Variants in BICRAL observed in about 807,000 individuals in gnomAD.
BICRAL encodes the protein BICRA like chromatin remodeling complex associated protein.
In BICRAL, 8 loss-of-function variants were observed where a neutral mutation model predicts 91.8. The observed-to-expected ratio is 0.09, with a 90% CI of 0.05 to 0.16. The LOEUF (loss-of-function observed/expected upper bound fraction) is 0.16, where lower values mean the gene tolerates loss of function less well. BICRAL is among the 10% of genes least tolerant of loss of function. The pLI is 1.00. For missense variants in BICRAL, 1,038 were observed against 1,310.9 expected, an observed-to-expected ratio of 0.79 and a Z score of 3.21; for synonymous variants, 445 against 491.1, an observed-to-expected ratio of 0.91 and a Z score of 1.24.
intron 2 of BICRAL, among the ~76,000 whole-genome samples, chr6:42,811,746 A>T (rs1425422217): frequency 6.6e-6 from 1 of 152,152 alleles, no homozygotes; most frequent in Non-Finnish European, 1.5e-5. Context: ...CTGATAACTG[A>T]TGTGTTTAAG....
chr6:42,839,282 T>G (rs1040344756), intron 6 of BICRAL, among the ~76,000 whole-genome samples: 1 of 151,996 alleles, frequency 6.6e-6, no homozygotes, highest in African/African-American at 2.4e-5. Context: ...GGATCATTAT[T>G]GTTGTTGTTA....
At chr6:42,844,681 A>C (rs1406745629) in intron 6 of BICRAL, among the ~76,000 whole-genome samples, 4 of 152,148 alleles carry the variant, frequency 2.6e-5, no homozygotes, top group Non-Finnish European at 1.5e-5. Flanking sequence ...TAGGTGCAGA[A>C]GCCAGATGGC....
intron 1 of BICRAL, among the ~76,000 whole-genome samples, chr6:42,760,525 G>A (rs776629568): frequency 2.0e-5 from 3 of 151,888 alleles, no homozygotes; most frequent in Non-Finnish European, 4.4e-5. Context: ...ATTGTCAGCT[G>A]TATAAATTGC....
chr6:42,843,310 A>C (rs1025589629), intron 6 of BICRAL, among the ~76,000 whole-genome samples: 3 of 152,156 alleles, frequency 2.0e-5, no homozygotes, highest in Non-Finnish European at 4.4e-5. Flanking sequence ...ATGTTCCATG[A>C]AATAGAAACA....
rs1357345969 is a variant in BICRAL, at chr6:42,868,308, C to T, written c.*2862C>T. ...GTCAGTGTGGTGTGGGCTTTATTTG[C>T]TTAAATACCTTCATTTGTATAGTAC... On this transcript the variant is annotated 3_prime_UTR_variant, in exon 13 of 13. Transcript: ENST00000314073. The T allele has an allele frequency of 1.3e-5, 2 of 151,854 alleles. No individual in the cohort carries two copies. Among genetic ancestry groups the T allele is most frequent in the Admixed American group, 1.3e-4 (2 of 15,182 alleles). The allele number at this position is 151,854 out of a possible 1,614,324, so 9.4% of individuals were successfully genotyped here.
chr6:42,832,982 A>ATTTGGT (rs1290542612), intron 6 of BICRAL, among the ~76,000 whole-genome samples: 2 of 151,566 alleles, frequency 1.3e-5, no homozygotes, highest in African/African-American at 2.4e-5. Context: ...AAAACAAATT[A>ATTTGGT]TTTGGTTTTG....
At chr6:42,854,373 A>G (rs1765282789) in intron 8 of BICRAL, among the ~76,000 whole-genome samples, 1 of 152,080 alleles carries the variant, frequency 6.6e-6, no homozygotes, top group Non-Finnish European at 1.5e-5. Flanking sequence ...TTGTAGAGAT[A>G]GGATTTTGCC....
intron 1 of BICRAL, among the ~76,000 whole-genome samples, chr6:42,800,315 G>A (rs141438590): frequency 4.1e-4 from 62 of 151,384 alleles, no homozygotes; most frequent in Non-Finnish European, 7.1e-4. Context: ...CATCTGCCTC[G>A]GCCTCCCAAA....
chr6:42,860,994 C>T (rs926213771), intron 11 of BICRAL, among the ~76,000 whole-genome samples: 6 of 152,204 alleles, frequency 3.9e-5, no homozygotes, highest in African/African-American at 1.4e-4. Flanking sequence ...GGCGTGGTGG[C>T]GCATGCCTGT....
At chr6:42,858,746 G>A (rs1765464933) in intron 10 of BICRAL, among the ~76,000 whole-genome samples, 1 of 152,056 alleles carries the variant, frequency 6.6e-6, no homozygotes, top group Non-Finnish European at 1.5e-5. Context: ...GAACCCGGGA[G>A]GCAGAGGTTC....
intron 1 of BICRAL, among the ~76,000 whole-genome samples, chr6:42,763,438 ATTC>A (rs1474819159): frequency 5.3e-5 from 8 of 152,220 alleles, no homozygotes; most frequent in Admixed American, 2.0e-4. Context: ...GCAAAAAATT[ATTC>A]TTCTGCCTAG....
intron 6 of BICRAL, among the ~76,000 whole-genome samples, chr6:42,841,228 C>T (rs1474541039): frequency 6.8e-5 from 8 of 117,000 alleles, no homozygotes; most frequent in Admixed American, 5.5e-4. Flanking sequence ...CTCACTTTGT[C>T]GCCAGGCTGG....
rs1253609914 is a variant in BICRAL at position 42,865,659 on chromosome 6, T to G, written c.*213T>G. The G allele has an allele frequency of 1.9e-6, 1 of 531,986 alleles. No individual in the cohort carries two copies. The highest frequency in any genetic ancestry group is 3.3e-6 in the Non-Finnish European group (1 of 301,270). The allele number at this position is 531,986 out of a possible 1,614,324, so 33.0% of individuals were successfully genotyped here. A position where few individuals can be genotyped will look rare whatever the true frequency, so the allele number is the denominator to read the frequency against. On this transcript the variant is annotated 3_prime_UTR_variant, in exon 13 of 13. Transcript: ENST00000314073. The stretch of plus-strand genomic sequence containing the variant: ...ATTACAGGGAGATCCTTTAGTAAAA[T>G]TAATCCTTGGCAGAAAGCAGTCTGA...
At chr6:42,752,417 A>G (rs964404414) in intron 1 of BICRAL, among the ~76,000 whole-genome samples, 1 of 152,192 alleles carries the variant, frequency 6.6e-6, no homozygotes, top group Non-Finnish European at 1.5e-5. Context: ...AAGAAGGCCT[A>G]ATTTGGGCAA....
chr6:42,778,974 C>T (rs913689138), upstream of BICRAL, among the ~76,000 whole-genome samples: 4 of 151,858 alleles, frequency 2.6e-5, no homozygotes, highest in Non-Finnish European at 2.9e-5. Flanking sequence ...CCTGCCACCA[C>T]GCCTGGCTAA....
At chr6:42,853,064 CAAAAA>C (rs35328845) in intron 7 of BICRAL, among the ~76,000 whole-genome samples, 2 of 97,708 alleles carry the variant, frequency 2.0e-5, no homozygotes, top group Non-Finnish European at 2.0e-5. Flanking sequence ...GACCTTGTCT[CAAAAA>C]AAAAAAAAAA....
chr6:42,851,401 T>C lies in BICRAL; in HGVS notation c.1840-691T>C, dbSNP rs1208987870. Among the ~76,000 whole-genome samples, 7 of 152,270 alleles carry C rather than the reference T, an allele frequency of 4.6e-5. No individual in the cohort carries two copies. The East Asian group carries it at 1.4e-3, about 29-fold the overall frequency. On this transcript the variant is annotated intron_variant, in intron 6 of 12. Coordinates refer to ENST00000314073, the MANE Select transcript of BICRAL (RefSeq NM_001393499.1). ...ATACGTTATGAGATAACATAAGTTT[T>C]TTTTAAGAACTAAAAGGAACTTAGT...
At chr6:42,785,349 A>C (rs1763072284) in intron 1 of BICRAL, among the ~76,000 whole-genome samples, 1 of 151,854 alleles carries the variant, frequency 6.6e-6, no homozygotes. Flanking sequence ...ACCTGAAGTC[A>C]GGAGTTAGAG....
chr6:42,815,502 T>TA (rs1763966435), intron 2 of BICRAL, among the ~76,000 whole-genome samples: 1 of 151,984 alleles, frequency 6.6e-6, no homozygotes, highest in Non-Finnish European at 1.5e-5. Context: ...CAGAATATCT[T>TA]AAATAGGCAA....
Sources: allele counts gnomAD v4.1 joint callset (sites outside exome capture counted in the v4.1 genomes callset), GRCh38; gene constraint gnomAD v4.1.1; transcripts MANE v1.5; gene names NCBI Gene and HGNC (gene_info 2026-07-23, HGNC 2026-07-21).